The following KCNH1 variants were observed in gnomAD, a reference collection of about 807,000 sequenced individuals.
KCNH1 encodes potassium voltage-gated channel subfamily H member 1.
Under a neutral mutation model 69.2 loss-of-function variants are expected in KCNH1, and 27 were observed. The observed-to-expected ratio is 0.39, with a 90% CI of 0.29 to 0.54. The LOEUF is 0.54. Ranked by LOEUF, KCNH1 falls within the 20% of genes least tolerant of loss-of-function variation. The pLI is 0.68. For synonymous variants in KCNH1, 456 were observed against 487.7 expected, an observed-to-expected ratio of 0.93 and a Z score of 0.86; for missense variants, 798 against 1,261.6, an observed-to-expected ratio of 0.63 and a Z score of 5.57.
At chr1:210,856,870 T>TAACCCACTATATATATATATATATATAA (rs1558499250) in intron 7 of KCNH1, among the ~76,000 whole-genome samples, 4 of 76,030 alleles carry the variant, frequency 5.3e-5, no homozygotes, top group Non-Finnish European at 7.7e-5. Flanking sequence ...TATATATATA[T>TAACCCACTATATATATATATATATATAA]AACCCACTAT....
intron 10 of KCNH1, among the ~76,000 whole-genome samples, chr1:210,718,653 C>T (rs4113179): frequency 0.011 from 220 of 20,396 alleles, 25 homozygotes; most frequent in East Asian, 0.022. Flanking sequence ...TATATATATA[C>T]ACACACACAC....
intron 1 of KCNH1, among the ~76,000 whole-genome samples, chr1:211,115,918 T>TGAGCTCAGGAGTTTGA (rs907670234): frequency 1.3e-5 from 2 of 151,986 alleles, no homozygotes; most frequent in East Asian, 3.9e-4. Context: ...GAGAATTGCT[T>TGAGCTCAGGAGTTTGA]GAGCTCAGGA....
At chr1:211,013,306 T>G (rs1007503267) in intron 6 of KCNH1, among the ~76,000 whole-genome samples, 1 of 152,100 alleles carries the variant, frequency 6.6e-6, no homozygotes, top group African/African-American at 2.4e-5. Context: ...CCAGGAGAGA[T>G]AAGCAGGGTA....
At chr1:211,076,701 T>C (rs574861500) in intron 5 of KCNH1, among the ~76,000 whole-genome samples, 1 of 152,318 alleles carries the variant, frequency 6.6e-6, no homozygotes, top group Non-Finnish European at 1.5e-5. Context: ...GAGCCTCTTC[T>C]CCTCCAAAGG....
At chr1:210,926,309 C>T (rs564493449) in intron 6 of KCNH1, among the ~76,000 whole-genome samples, 2 of 152,150 alleles carry the variant, frequency 1.3e-5, no homozygotes, top group East Asian at 3.9e-4. Flanking sequence ...CTTCCGAGTC[C>T]ACTCCACTCC....
chr1:211,125,357 AGG>A (rs1691759228), intron 1 of KCNH1, among the ~76,000 whole-genome samples: 1 of 152,250 alleles, frequency 6.6e-6, no homozygotes, highest in Non-Finnish European at 1.5e-5. Flanking sequence ...GCCCACACAG[AGG>A]CTTAAAGCAC....
chr1:211,074,843 T>TC lies in KCNH1; in HGVS notation c.558+7936dup, dbSNP rs536318205. 4.0e-4 allele frequency among the ~76,000 whole-genome samples: 61 copies of TC among 152,326 alleles called. 1 individual carries two copies. In the South Asian group the frequency reaches 0.012, roughly 31 times the overall value. ...GCTTGTGAACTTCAGCATCAGCTCT[T>TC]CCCAAGGGTTTCCATCTGTCAACCT... is the stretch of plus-strand genomic sequence containing the variant. On this transcript the variant is annotated intron_variant, in intron 5 of 10. Coordinates refer to ENST00000271751, the MANE Select transcript of KCNH1 (RefSeq NM_172362.3).
intron 10 of KCNH1, among the ~76,000 whole-genome samples, chr1:210,702,832 G>A (rs868439620): frequency 2.7e-5 from 4 of 150,492 alleles, no homozygotes; most frequent in Middle Eastern, 3.4e-3. Context: ...CATCTGTGCT[G>A]CAGCTTCTTC....
Position 210,908,846 on chromosome 1 carries a change from C to G in KCNH1, c.1462+10794G>C, listed in dbSNP as rs113669830. Among the ~76,000 whole-genome samples the G allele has an allele frequency of 3.3e-3, 510 of 152,332 alleles. 2 individuals carry two copies. The highest frequency in any genetic ancestry group is 0.012 in the African/African-American group (484 of 41,570). On this transcript the variant is annotated intron_variant, in intron 7 of 10. Coordinates refer to ENST00000271751, the MANE Select transcript of KCNH1 (RefSeq NM_172362.3). The stretch of plus-strand genomic sequence containing the variant: ...CAAAGGAGGAACAAAGGATCATCCT[C>G]TGACCAGGGTTGGCTCTGCAAGCAG...
At chr1:211,069,184 G>A (rs1690588516) in intron 5 of KCNH1, among the ~76,000 whole-genome samples, 1 of 152,156 alleles carries the variant, frequency 6.6e-6, no homozygotes. Flanking sequence ...CTGCCAAGGG[G>A]TGAGGGGAGG....
At chr1:210,935,048 A>C (rs1257148550) in intron 6 of KCNH1, among the ~76,000 whole-genome samples, 2 of 151,778 alleles carry the variant, frequency 1.3e-5, no homozygotes, top group African/African-American at 4.8e-5. Flanking sequence ...TGTTTACTAT[A>C]GCACTGTTCA....
chr1:210,849,269 A>C (rs971254265), intron 7 of KCNH1, among the ~76,000 whole-genome samples: 7 of 151,898 alleles, frequency 4.6e-5, no homozygotes, highest in African/African-American at 1.7e-4. Flanking sequence ...TTGGATTACC[A>C]TTGCCTCCTT....
chr1:211,034,997 A>G lies in KCNH1; in HGVS notation c.559-15741T>C, dbSNP rs181893466. Among the ~76,000 whole-genome samples the G allele has an allele frequency of 1.0e-3, 152 of 152,280 alleles. 2 individuals carry two copies. Among genetic ancestry groups the G allele is most frequent in the Admixed American group, 9.8e-3 (150 of 15,298 alleles). On this transcript the variant is annotated intron_variant, in intron 5 of 10. Coordinates refer to ENST00000271751, the MANE Select transcript of KCNH1 (RefSeq NM_172362.3). ...TGGATTTCCCATTCTGATTCTTTCT[A>G]GGATGCTATTAGGCCCTGCCTGAGT...
At chr1:211,045,340 A>C (rs1571604022) in intron 5 of KCNH1, among the ~76,000 whole-genome samples, 2 of 152,058 alleles carry the variant, frequency 1.3e-5, no homozygotes, top group South Asian at 4.2e-4. Context: ...TGATGGGTGC[A>C]CCAAAATCTC....
At chr1:211,033,170 A>C (rs1689824419) in intron 5 of KCNH1, among the ~76,000 whole-genome samples, 1 of 152,246 alleles carries the variant, frequency 6.6e-6, no homozygotes, top group African/African-American at 2.4e-5. Context: ...AATGCTCATC[A>C]TCACTGGCCA....
intron 5 of KCNH1, among the ~76,000 whole-genome samples, chr1:211,048,769 A>G (rs1690139063): frequency 6.6e-6 from 1 of 152,200 alleles, no homozygotes; most frequent in African/African-American, 2.4e-5. Context: ...GGGTGTACCA[A>G]ACCTCAGAAA....
intron 5 of KCNH1, among the ~76,000 whole-genome samples, chr1:211,072,840 T>G (rs1369227542): frequency 6.6e-6 from 1 of 151,968 alleles, no homozygotes; most frequent in African/African-American, 2.4e-5. Flanking sequence ...GGGCAATGAA[T>G]AGAAAAAAGC....
At chr1:210,753,279 G>A (rs1296383231) in intron 10 of KCNH1, among the ~76,000 whole-genome samples, 3 of 152,184 alleles carry the variant, frequency 2.0e-5, no homozygotes, top group Non-Finnish European at 4.4e-5. Flanking sequence ...CCACCAATAT[G>A]ATGGTTTTCT....
chr1:210,779,162 C>T (rs1024152141), intron 9 of KCNH1, among the ~76,000 whole-genome samples: 4 of 152,046 alleles, frequency 2.6e-5, no homozygotes, highest in Admixed American at 2.0e-4. Flanking sequence ...AAGTATTTCA[C>T]AGTAAGATAA....
Sources: gnomAD v4.1 joint callset for allele counts (sites outside exome capture counted in the v4.1 genomes callset) on GRCh38, gnomAD v4.1.1 for gene constraint, MANE v1.5 for transcripts, NCBI Gene and HGNC (gene_info 2026-07-23, HGNC 2026-07-21) for gene names.